KPNB1: variants seen among roughly 807,000 people sequenced by gnomAD.
KPNB1 encodes the protein karyopherin subunit beta 1, also known as importin subunit beta-1.
KPNB1 carries 7 observed loss-of-function variants against 113.0 expected under a neutral mutation model. The ratio of observed to expected loss-of-function variants is 0.06; its 90% CI spans 0.04 to 0.12. The LOEUF (loss-of-function observed/expected upper bound fraction) is 0.12, where lower values mean the gene tolerates loss of function less well. Among genes scored for constraint, KPNB1 ranks in the 10% least tolerant of loss-of-function variants. KPNB1 has a pLI of 1.00. For synonymous variants in KPNB1, 363 were observed against 378.6 expected (o/e 0.96, Z 0.48); for missense variants, 400 against 1,054.8 (o/e 0.38, Z 8.60).
At chr17:47,675,183 G>A (rs1567894176) in intron 15 of KPNB1, among the ~76,000 whole-genome samples, 1 of 151,760 alleles carries the variant, frequency 6.6e-6, no homozygotes, top group Non-Finnish European at 1.5e-5. Flanking sequence ...AAACTCCTGG[G>A]CCTCCTTGTC....
intron 8 of KPNB1, 77 bp downstream of exon 8, chr17:47,664,346 G>C: frequency 1.0e-6 from 1 of 977,232 alleles, no homozygotes; most frequent in Non-Finnish European, 1.6e-6. Context: ...CCTTCTAGGA[G>C]AACTTTATTC....
chr17:47,666,309 T>C (rs1174051411), intron 9 of KPNB1, among the ~76,000 whole-genome samples: 1 of 151,766 alleles, frequency 6.6e-6, no homozygotes, highest in African/African-American at 2.4e-5. Context: ...CGCCTCAGCT[T>C]CCCAAAGTGC....
intron 3 of KPNB1, among the ~76,000 whole-genome samples, chr17:47,656,025 G>A (rs1364636613): frequency 6.6e-6 from 1 of 151,804 alleles, no homozygotes; most frequent in African/African-American, 2.4e-5. Flanking sequence ...AGGCCGAGGT[G>A]GGTGGATCAC....
Position 47,650,201 on chromosome 17 carries a change from G to A in KPNB1, c.-44G>A, listed in dbSNP as rs748272171. Reference sequence around the variant, plus strand: ...AGTTCGAGCCGCCGCCCGAAAGGCCGGGCCGTCGTCTTAGGAGGAGTCGCC... The same window carrying A: ...AGTTCGAGCCGCCGCCCGAAAGGCCAGGCCGTCGTCTTAGGAGGAGTCGCC... On this transcript the variant is annotated 5_prime_UTR_variant, in exon 1 of 22. Transcript: ENST00000290158. 3 of 1,367,030 alleles carry A rather than the reference G, an allele frequency of 2.2e-6. No homozygotes were observed. The highest frequency in any genetic ancestry group is 1.3e-5 in the South Asian group (1 of 79,578). The allele number at this position is 1,367,030 out of a possible 1,614,324, so 84.7% of individuals were successfully genotyped here.
At chr17:47,678,953 A>G (rs995900209) in intron 19 of KPNB1, among the ~76,000 whole-genome samples, 4 of 149,708 alleles carry the variant, frequency 2.7e-5, no homozygotes, top group African/African-American at 9.9e-5. Context: ...AGACAGTCTC[A>G]CTCTCACCCA....
intron 17 of KPNB1, among the ~76,000 whole-genome samples, chr17:47,677,772 T>C (rs1241282460): frequency 6.6e-6 from 1 of 152,184 alleles, no homozygotes. Context: ...TATACCTCTC[T>C]CCAGAGATAG....
Position 47,669,933 on chromosome 17 carries a change from G to T in KPNB1, c.1416+64G>T. ...TGCGCCACTGGCAAGAAAGTAGAAG[G>T]TGTGGGAGAGAAATCAATCTGCCTC... On this transcript the variant is annotated intron_variant, in intron 11 of 21. Transcript: ENST00000290158. 2.5e-6 allele frequency: 3 copies of T among 1,206,858 alleles called. No individual in the cohort carries two copies. The South Asian group carries it at 3.9e-5, about 16-fold the overall frequency. The allele number at this position is 1,206,858 out of a possible 1,614,324, so 74.8% of individuals were successfully genotyped here.
intron 11 of KPNB1, 32 bp from the exon 12 acceptor site, chr17:47,670,670 C>G (rs1191270974): frequency 1.9e-6 from 3 of 1,567,264 alleles, no homozygotes; most frequent in Non-Finnish European, 1.7e-6. Flanking sequence ...GGGGTTCTTT[C>G]AGGATTAACA....
Position 47,664,285 on chromosome 17 carries a change from C to T in KPNB1, c.897+16C>T, listed in dbSNP as rs186189850. 6 of 1,466,342 alleles carry T rather than the reference C, an allele frequency of 4.1e-6. No homozygotes were observed. In the East Asian group the frequency reaches 6.8e-5, roughly 17 times the overall value. 90.8% of individuals were successfully genotyped at this position (1,466,342 alleles called of 1,614,324 possible). On this transcript the variant is annotated intron_variant, in intron 8 of 21. Coordinates refer to ENST00000290158, the MANE Select transcript of KPNB1 (RefSeq NM_002265.6). ...AGCTTCAGAGGTGAGCTGGGGAGAA[C>T]TATTACTCTGAATACGCTTTGGGAC...
At chr17:47,665,316 A>G (rs1379319725) in intron 9 of KPNB1, among the ~76,000 whole-genome samples, 158 bp downstream of exon 9, 2 of 152,200 alleles carry the variant, frequency 1.3e-5, no homozygotes, top group Non-Finnish European at 2.9e-5. Flanking sequence ...AAGATCCCCT[A>G]GGCTCTGACT....
chr17:47,677,397 G>A (rs369610594), intron 17 of KPNB1, among the ~76,000 whole-genome samples: 3 of 151,076 alleles, frequency 2.0e-5, no homozygotes, highest in Non-Finnish European at 4.4e-5. Context: ...GCTTGTACCC[G>A]GGAGGTGGAC....
intron 12 of KPNB1, chr17:47,671,833 C>G (rs946855353): frequency 4.6e-5 from 7 of 152,090 alleles, no homozygotes; most frequent in Non-Finnish European, 8.8e-5. Context: ...GGCCAACTAC[C>G]ATATTTTTAT....
rs1230260279 is a variant in KPNB1, at chr17:47,683,981, G to A, written c.*1577G>A. 1 of 152,152 alleles carries A rather than the reference G, an allele frequency of 6.6e-6. No individual in the cohort carries two copies. The highest frequency in any genetic ancestry group is 1.5e-5 in the Non-Finnish European group (1 of 68,026). The allele number at this position is 152,152 out of a possible 1,614,324, so 9.4% of individuals were successfully genotyped here. A position where few individuals can be genotyped will look rare whatever the true frequency, so the allele number is the denominator to read the frequency against. On this transcript the variant is annotated 3_prime_UTR_variant, in exon 22 of 22. Transcript: ENST00000290158. ...TTTTAGAGCCTTTCAGCAATAAGAA[G>A]GGATGTTGGTGAGCTTTGATCCTCT...
rs749860176 is a variant in KPNB1, at chr17:47,670,680, A to G, written c.1417-22A>G. The G allele has an allele frequency of 1.1e-5, 17 of 1,596,550 alleles. No homozygotes were observed. In the African/African-American group the frequency reaches 2.3e-4, roughly 21 times the overall value. On this transcript the variant is annotated intron_variant, in intron 11 of 21. Transcript: ENST00000290158. ...GGTGTGGGGTTCTTTCAGGATTAAC[A>G]TTGAACCTATGTGCATTTCAGGCTT... is the stretch of plus-strand genomic sequence containing the variant.
In KPNB1 at chr17:47,683,732, A is replaced by C. The variant is rs1207485024; in HGVS notation, c.*1328A>C. The C allele has an allele frequency of 2.1e-3, 1 of 486 alleles. No homozygotes were observed. The highest frequency in any genetic ancestry group is 0.036 in the Non-Finnish European group (1 of 28). 0.0% of individuals were successfully genotyped at this position (486 alleles called of 1,614,324 possible). On this transcript the variant is annotated 3_prime_UTR_variant, in exon 22 of 22. Transcript: ENST00000290158. ...AACCAACAAAACAAAAACAAAAAAA[A>C]GTGTGTGTTGTGTGAATACACACAC...
Position 47,670,745 on chromosome 17 carries a change from TTGC to T in KPNB1, c.1463_1465del (p.Ala488del). 1 of 1,613,500 alleles carries T rather than the reference TTGC, an allele frequency of 6.2e-7. No individual in the cohort carries two copies. The highest frequency in any genetic ancestry group is 1.3e-5 in the African/African-American group (1 of 75,050). ...GAAGCTGCTTATGAAGCTGCAGACG[TTGC>T]TGATGATCAGGAAGAACCAGCTACT... is the stretch of plus-strand genomic sequence containing the variant. On this transcript the variant is annotated inframe_deletion, in exon 12 of 22. Transcript: ENST00000290158.
At chr17:47,653,167 A>G (rs979826801) in intron 3 of KPNB1, among the ~76,000 whole-genome samples, 1 of 152,042 alleles carries the variant, frequency 6.6e-6, no homozygotes, top group African/African-American at 2.4e-5. Flanking sequence ...GGAGTAGTGT[A>G]CAAATTGGTG....
intron 9 of KPNB1, among the ~76,000 whole-genome samples, chr17:47,666,624 A>G (rs2030296152): frequency 6.9e-6 from 1 of 144,902 alleles, no homozygotes; most frequent in Non-Finnish European, 1.5e-5. Flanking sequence ...TATATATTAT[A>G]TATATTTATT....
At chr17:47,663,264 A>G in intron 7 of KPNB1, 86 bp downstream of exon 7, 1 of 763,242 alleles carries the variant, frequency 1.3e-6, no homozygotes, top group South Asian at 1.4e-5. Context: ...ATTCTGTAAT[A>G]TTTTACTTAA....
Sources: gnomAD v4.1 joint callset for allele counts (sites outside exome capture counted in the v4.1 genomes callset) on GRCh38, gnomAD v4.1.1 for gene constraint, MANE v1.5 for transcripts, NCBI Gene and HGNC (gene_info 2026-07-23, HGNC 2026-07-21) for gene names.